The following FMN1 variants were observed in gnomAD, a reference collection of about 807,000 sequenced individuals.
The protein encoded by FMN1 is formin 1, also known as formin-1.
FMN1 carries 110 observed loss-of-function variants against 132.4 expected under a neutral mutation model. The ratio of observed to expected loss-of-function variants is 0.83; its 90% CI spans 0.71 to 0.97. The LOEUF is 0.97. FMN1 is among the 50% of genes least tolerant of loss of function. The probability of loss-of-function intolerance (pLI) is 0.00; values close to 1 mark genes in which losing one functional copy is unlikely to be tolerated. For synonymous variants in FMN1, 722 were observed against 651.7 expected (o/e 1.11, Z -1.64); for missense variants, 1,792 against 1,705.3 (o/e 1.05, Z -0.90).
At chr15:33,018,770 G>A (rs12905020) in intron 6 of FMN1, among the ~76,000 whole-genome samples, 21,589 of 152,114 alleles carry the variant, frequency 0.14, 1,721 homozygotes, top group Middle Eastern at 0.24. Flanking sequence ...GGATGTGTTC[G>A]GAGTTTCTCC....
At chr15:32,934,641 C>CT (rs1272013005) in intron 9 of FMN1, among the ~76,000 whole-genome samples, 13 of 140,154 alleles carry the variant, frequency 9.3e-5, no homozygotes, top group African/African-American at 2.4e-4. Flanking sequence ...GAGTCTCACT[C>CT]TGTCACCCAG....
chr15:32,788,874 G>A (rs1211768514), intron 19 of FMN1, among the ~76,000 whole-genome samples: 1 of 152,122 alleles, frequency 6.6e-6, no homozygotes, highest in Non-Finnish European at 1.5e-5. Flanking sequence ...CAGAGCTGGC[G>A]ATTGTTTTAT....
chr15:32,979,193 G>C (rs1461387384), intron 7 of FMN1, among the ~76,000 whole-genome samples: 1 of 152,016 alleles, frequency 6.6e-6, no homozygotes, highest in East Asian at 1.9e-4. Flanking sequence ...AACAAAGATG[G>C]CCTCCCTACC....
At chr15:32,904,863 T>C (rs2060382960) in intron 12 of FMN1, among the ~76,000 whole-genome samples, 1 of 152,184 alleles carries the variant, frequency 6.6e-6, no homozygotes, top group South Asian at 2.1e-4. Context: ...ATAGCTTCTC[T>C]TCCCCTGCCC....
At chr15:33,066,955 C>A (rs1254139686) in intron 5 of FMN1, 3 of 1,613,982 alleles carry the variant, frequency 1.9e-6, no homozygotes, top group Non-Finnish European at 2.5e-6. Context: ...CAGGCTGCGT[C>A]AATTTGAGCA....
chr15:32,816,350 G>A (rs1009525939), intron 17 of FMN1, among the ~76,000 whole-genome samples: 1 of 152,054 alleles, frequency 6.6e-6, no homozygotes. Context: ...ACGTCAAAAG[G>A]TATATCACAC....
intron 6 of FMN1, among the ~76,000 whole-genome samples, chr15:33,021,359 CAAGTT>C (rs61476036): frequency 0.26 from 38,967 of 151,852 alleles, 5,319 homozygotes; most frequent in Non-Finnish European, 0.31. Context: ...AGTTTTCAGT[CAAGTT>C]AACAATTTAG....
At chr15:32,860,203 A>AGAGAGGAAGAGG (rs2059235229) in intron 16 of FMN1, among the ~76,000 whole-genome samples, 3 of 149,358 alleles carry the variant, frequency 2.0e-5, no homozygotes, top group African/African-American at 7.4e-5. Context: ...GGAAGGAAGG[A>AGAGAGGAAGAGG]AAGAAAGGAG....
intron 20 of FMN1, among the ~76,000 whole-genome samples, chr15:32,776,296 C>T (rs1272850481): frequency 2.0e-5 from 3 of 152,186 alleles, no homozygotes; most frequent in Non-Finnish European, 4.4e-5. Flanking sequence ...CTTTGGAGGA[C>T]AACGCAATCT....
chr15:32,934,957 C>T (rs1254439354), intron 9 of FMN1, among the ~76,000 whole-genome samples: 1 of 150,116 alleles, frequency 6.7e-6, no homozygotes, highest in East Asian at 2.0e-4. Flanking sequence ...CAGTCTTGCT[C>T]TGTCGCCCAG....
At chr15:32,863,050 A>G (rs2059309901) in intron 16 of FMN1, among the ~76,000 whole-genome samples, 1 of 152,218 alleles carries the variant, frequency 6.6e-6, no homozygotes, top group African/African-American at 2.4e-5. Context: ...TTCTTGTATT[A>G]TATCAATGGG....
At chr15:32,999,259 T>C (rs534460937) in intron 7 of FMN1, among the ~76,000 whole-genome samples, 125 of 152,340 alleles carry the variant, frequency 8.2e-4, no homozygotes, top group South Asian at 3.3e-3. Flanking sequence ...GATTTAAATG[T>C]ATTGTGTTGA....
chr15:33,084,993 G>A (rs2038632724), intron 5 of FMN1, among the ~76,000 whole-genome samples: 1 of 152,242 alleles, frequency 6.6e-6, no homozygotes, highest in African/African-American at 2.4e-5. Flanking sequence ...GCACGGCAGT[G>A]CTGGTCCAAT....
At chr15:33,162,097 C>T (rs555539658) in intron 3 of FMN1, among the ~76,000 whole-genome samples, 2 of 152,164 alleles carry the variant, frequency 1.3e-5, no homozygotes, top group African/African-American at 4.8e-5. Context: ...CTGCAACCTC[C>T]AGCTTCTGGG....
intron 17 of FMN1, chr15:32,811,201 C>T (rs142062070): frequency 2.4e-6 from 1 of 409,614 alleles, no homozygotes; most frequent in Non-Finnish European, 4.9e-6. Flanking sequence ...TTCTGGTATG[C>T]TTGCCCATGG....
At chr15:32,974,935 T>C (rs1567492537) in intron 7 of FMN1, among the ~76,000 whole-genome samples, 1 of 152,206 alleles carries the variant, frequency 6.6e-6, no homozygotes, top group African/African-American at 2.4e-5. Context: ...CAAGCCTAAA[T>C]TCTTTCCATG....
chr15:33,094,719 T>C (rs1452632359), intron 4 of FMN1, among the ~76,000 whole-genome samples: 2 of 152,216 alleles, frequency 1.3e-5, no homozygotes, highest in African/African-American at 4.8e-5. Context: ...TAAATATCTC[T>C]TTGATTATTT....
intron 15 of FMN1, among the ~76,000 whole-genome samples, chr15:32,890,870 G>T (rs748236719): frequency 6.6e-6 from 1 of 152,172 alleles, no homozygotes; most frequent in African/African-American, 2.4e-5. Context: ...TTTATAGTTT[G>T]AAGTCTTAGA....
intron 20 of FMN1, among the ~76,000 whole-genome samples, chr15:32,776,167 G>C (rs1251898184): frequency 6.6e-6 from 1 of 152,242 alleles, no homozygotes; most frequent in Admixed American, 6.5e-5. Flanking sequence ...TGGCAGAGCT[G>C]TGATCTGAAC....
Sources: gnomAD v4.1 joint callset for allele counts (sites outside exome capture counted in the v4.1 genomes callset) on GRCh38, gnomAD v4.1.1 for gene constraint, MANE v1.5 for transcripts, NCBI Gene and HGNC (gene_info 2026-07-23, HGNC 2026-07-21) for gene names.